RPS6KA5: variants seen among roughly 807,000 people sequenced by gnomAD.
The protein encoded by RPS6KA5 is ribosomal protein S6 kinase A5.
In RPS6KA5, 27 loss-of-function variants were observed where a neutral mutation model predicts 85.5. That is an observed-to-expected ratio of 0.32 (90% confidence interval 0.23 to 0.44). The LOEUF (loss-of-function observed/expected upper bound fraction) is 0.44. RPS6KA5 is among the 20% of genes least tolerant of loss of function. The pLI is 1.00. For missense variants in RPS6KA5, 811 were observed against 980.9 expected (o/e 0.83, Z 2.31); for synonymous variants, 334 against 348.2 (o/e 0.96, Z 0.46).
chr14:90,873,904 T>C (rs893890058), intron 15 of RPS6KA5, 109 bp from the exon 16 acceptor site: 29 of 896,878 alleles, frequency 3.2e-5, no homozygotes, highest in Middle Eastern at 3.5e-4. Context: ...GGTTTCTATA[T>C]AGCTTTAACC....
chr14:90,938,655 T>C (rs112801194), intron 5 of RPS6KA5, among the ~76,000 whole-genome samples: 4,984 of 152,276 alleles, frequency 0.033, 272 homozygotes, highest in African/African-American at 0.12. Flanking sequence ...CACTACCACA[T>C]GGAAGCTGCC....
At chr14:90,966,734 T>C (rs2039081963) in intron 3 of RPS6KA5, among the ~76,000 whole-genome samples, 1 of 152,222 alleles carries the variant, frequency 6.6e-6, no homozygotes, top group Non-Finnish European at 1.5e-5. Flanking sequence ...AAGGCACTAA[T>C]ACTAGTTGCA....
In RPS6KA5 at chr14:90,967,014, G is replaced by A. The variant is rs186254250; in HGVS notation, c.394+11292C>T. The stretch of plus-strand genomic sequence containing the variant: ...GAAGAACAAAAGAAAACTATCAATA[G>A]TCCATCTTTATGACAATAATTAAAA... On this transcript the variant is annotated intron_variant, in intron 3 of 16. Coordinates refer to ENST00000614987, the MANE Select transcript of RPS6KA5 (RefSeq NM_004755.4). Among the ~76,000 whole-genome samples the A allele has an allele frequency of 3.3e-5, 5 of 152,146 alleles. No individual in the cohort carries two copies. The East Asian group carries it at 9.6e-4, about 29-fold the overall frequency.
intron 1 of RPS6KA5, among the ~76,000 whole-genome samples, chr14:91,027,827 T>C (rs1417209339): frequency 6.6e-6 from 1 of 152,192 alleles, no homozygotes; most frequent in Non-Finnish European, 1.5e-5. Context: ...GTCTTACATG[T>C]AACCTCTGCT....
At chr14:90,876,368 C>T (rs1320687835) in intron 14 of RPS6KA5, among the ~76,000 whole-genome samples, 1 of 152,104 alleles carries the variant, frequency 6.6e-6, no homozygotes, top group African/African-American at 2.4e-5. Context: ...TCTGTAATTA[C>T]CCCTGTTTTT....
rs771466676 is a variant in RPS6KA5 at position 90,875,250 on chromosome 14, T to G, written c.1947A>C (p.Glu649Asp). The G allele has an allele frequency of 2.5e-6, 4 of 1,614,018 alleles. No homozygotes were observed. In the Middle Eastern group the frequency reaches 5.0e-4, roughly 200 times the overall value. The change falls in exon 15 of 17, where the codon GAA (glutamate) becomes GAC (aspartate). Residue 649 changes from glutamate to aspartate, a missense_variant. Physicochemically the swap from Glu to Asp is conservative, Grantham distance 45. Coordinates refer to ENST00000614987, the MANE Select transcript of RPS6KA5 (RefSeq NM_004755.4). The stretch of plus-strand genomic sequence containing the variant: ...GGGATACATTCTTCCAGGCTTCTCC[T>G]TCAAAGGAGAAATCTCCCTTTTTAA... ...KKIKKGDFSF[E>D]GEAWKNVSQE...
chr14:90,858,201 A>G lies in RPS6KA5; in HGVS notation c.*13873T>C, dbSNP rs1405163886. The G allele has an allele frequency of 6.6e-6, 1 of 152,200 alleles. No individual in the cohort carries two copies. Among genetic ancestry groups the G allele is most frequent in the Admixed American group, 6.5e-5 (1 of 15,276 alleles). The allele number at this position is 152,200 out of a possible 1,614,324, so 9.4% of individuals were successfully genotyped here. A position where few individuals can be genotyped will look rare whatever the true frequency, so the allele number is the denominator to read the frequency against. Reference sequence around the variant, plus strand: ...TTACGTAAACACATTCTTTGAGGCTAAAGCAAATCTGACTGATTTTCAATG... The same window carrying G: ...TTACGTAAACACATTCTTTGAGGCTGAAGCAAATCTGACTGATTTTCAATG... On this transcript the variant is annotated 3_prime_UTR_variant, in exon 17 of 17. Coordinates refer to ENST00000614987, the MANE Select transcript of RPS6KA5 (RefSeq NM_004755.4).
At chr14:90,992,464 A>C (rs531992304) in intron 2 of RPS6KA5, among the ~76,000 whole-genome samples, 2 of 152,380 alleles carry the variant, frequency 1.3e-5, no homozygotes, top group South Asian at 4.1e-4. Flanking sequence ...CAGATGTATA[A>C]TAGATAATGA....
chr14:90,964,914 CAAAAAAAAA>C (rs10713991), intron 3 of RPS6KA5, among the ~76,000 whole-genome samples: 10 of 70,658 alleles, frequency 1.4e-4, no homozygotes, highest in African/African-American at 5.2e-4. Context: ...GACCCTGTCT[CAAAAAAAAA>C]AAAAAAAAAA....
intron 1 of RPS6KA5, among the ~76,000 whole-genome samples, chr14:91,030,593 A>T (rs969859346): frequency 4.4e-5 from 6 of 135,474 alleles, no homozygotes; most frequent in African/African-American, 1.6e-4. Context: ...CCTAACATGC[A>T]AGACACCAAA....
intron 2 of RPS6KA5, among the ~76,000 whole-genome samples, chr14:90,983,425 C>A (rs1206440993): frequency 6.6e-6 from 1 of 151,802 alleles, no homozygotes; most frequent in African/African-American, 2.4e-5. Context: ...CATAGGGAGA[C>A]CCCGTCTCTA....
intron 5 of RPS6KA5, among the ~76,000 whole-genome samples, 194 bp from the exon 6 acceptor site, chr14:90,923,390 T>C (rs990782588): frequency 6.6e-6 from 1 of 152,112 alleles, no homozygotes; most frequent in Non-Finnish European, 1.5e-5. Context: ...TGTCATCCCA[T>C]CCCATCAGAA....
rs911924408 is a variant in RPS6KA5, at chr14:90,978,587, T to G, written c.176-63A>C. 2.4e-6 allele frequency: 3 copies of G among 1,258,398 alleles called. No individual in the cohort carries two copies. The African/African-American group carries it at 4.6e-5, about 19-fold the overall frequency. The allele number at this position is 1,258,398 out of a possible 1,614,324, so 78.0% of individuals were successfully genotyped here. A position where few individuals can be genotyped will look rare whatever the true frequency, so the allele number is the denominator to read the frequency against. ...CTACACAGGCAAAATGGTAATTTAG[T>G]GCAACTAAATTTATTTAATGCACAA... On this transcript the variant is annotated intron_variant, in intron 2 of 16. Transcript: ENST00000614987.
At chr14:90,891,930 C>G (rs541250136) in intron 13 of RPS6KA5, among the ~76,000 whole-genome samples, 1 of 152,006 alleles carries the variant, frequency 6.6e-6, no homozygotes, top group East Asian at 1.9e-4. Context: ...ATTGAGCCTG[C>G]TAAGTCTTTG....
At chr14:90,875,724 A>C (rs2033417686) in intron 14 of RPS6KA5, among the ~76,000 whole-genome samples, 1 of 151,964 alleles carries the variant, frequency 6.6e-6, no homozygotes, top group Admixed American at 6.6e-5. Context: ...ATGCAGCCAT[A>C]AAAAATGATG....
At chr14:91,048,114 G>A (rs2042944664) in intron 1 of RPS6KA5, among the ~76,000 whole-genome samples, 1 of 152,026 alleles carries the variant, frequency 6.6e-6, no homozygotes, top group African/African-American at 2.4e-5. Flanking sequence ...TTGGGGGAGT[G>A]GTCATTATTC....
chr14:90,922,846 T>TA (rs2036473838), intron 6 of RPS6KA5, among the ~76,000 whole-genome samples: 1 of 152,182 alleles, frequency 6.6e-6, no homozygotes, highest in African/African-American at 2.4e-5. Flanking sequence ...ACAAGAGTGT[T>TA]ACTCTATAAA....
chr14:90,931,269 T>A (rs2036962229), intron 5 of RPS6KA5, among the ~76,000 whole-genome samples: 1 of 152,086 alleles, frequency 6.6e-6, no homozygotes, highest in South Asian at 2.1e-4. Flanking sequence ...CTATGCTAAG[T>A]GAAATAGTCA....
Position 90,875,119 on chromosome 14 carries a change from A to T in RPS6KA5, c.1996+82T>A, listed in dbSNP as rs562176628. 3.1e-6 allele frequency: 4 copies of T among 1,306,824 alleles called. No individual in the cohort carries two copies. In the South Asian group the frequency reaches 4.2e-5, roughly 14 times the overall value. The allele number at this position is 1,306,824 out of a possible 1,614,324, so 81.0% of individuals were successfully genotyped here. On this transcript the variant is annotated intron_variant, in intron 15 of 16. Transcript: ENST00000614987. ...CACATGGATTCCTCGAGTAATTAAC[A>T]TATGAATGTATGTGTAATGGCCATG...
Sources: gnomAD v4.1 joint callset for allele counts (sites outside exome capture counted in the v4.1 genomes callset) on GRCh38, gnomAD v4.1.1 for gene constraint, MANE v1.5 for transcripts, NCBI Gene and HGNC (gene_info 2026-07-23, HGNC 2026-07-21) for gene names.